Variants in CNTN3 observed in about 807,000 individuals in gnomAD.
The protein encoded by CNTN3 is contactin-3.
In CNTN3, 60 loss-of-function variants were observed where a neutral mutation model predicts 119.1. The observed-to-expected ratio is 0.50, with a 90% confidence interval of 0.41 to 0.62. The LOEUF is 0.62. Among genes scored for constraint, CNTN3 ranks in the 20% least tolerant of loss-of-function variants. CNTN3 has a pLI of 0.00. For synonymous variants in CNTN3, 450 were observed against 438.7 expected (o/e 1.03, Z -0.32); for missense variants, 1,101 against 1,242.4 (o/e 0.89, Z 1.71).
intron 19 of CNTN3, among the ~76,000 whole-genome samples, chr3:74,293,478 GCC>G (rs1254277760): frequency 6.6e-6 from 1 of 152,114 alleles, no homozygotes; most frequent in Non-Finnish European, 1.5e-5. Context: ...TATTCTGGCT[GCC>G]CCCACTTTTT....
intron 13 of CNTN3, among the ~76,000 whole-genome samples, chr3:74,319,758 A>C (rs1702934944): frequency 6.6e-6 from 1 of 151,858 alleles, no homozygotes; most frequent in South Asian, 2.1e-4. Flanking sequence ...AATTTTCGCA[A>C]CCTACTCATC....
At chr3:74,288,999 A>T (rs1416421803) in intron 19 of CNTN3, among the ~76,000 whole-genome samples, 3 of 152,212 alleles carry the variant, frequency 2.0e-5, no homozygotes, top group African/African-American at 7.2e-5. Context: ...AGCATGCCAC[A>T]TGGCACATGA....
Position 74,432,794 on chromosome 3 carries a change from T to C in CNTN3, c.359-7854A>G, listed in dbSNP as rs140658031. Among the ~76,000 whole-genome samples, 157 of 152,320 alleles carry C rather than the reference T, an allele frequency of 1.0e-3. 1 individual carries two copies. The highest frequency in any genetic ancestry group is 5.0e-3 in the Admixed American group (76 of 15,288). ...TTTCCCAACACCCAAATTCAAAGTG[T>C]CTCCTCCTTTTTTGTTCCCTTTCTT... On this transcript the variant is annotated intron_variant, in intron 4 of 22. Coordinates refer to ENST00000263665, the MANE Select transcript of CNTN3 (RefSeq NM_020872.3).
intron 1 of CNTN3, among the ~76,000 whole-genome samples, chr3:74,591,746 G>C (rs561104351): frequency 6.6e-6 from 1 of 152,042 alleles, no homozygotes; most frequent in East Asian, 1.9e-4. Context: ...AATAGGAAAG[G>C]GTAAGGCAAG....
intron 5 of CNTN3, among the ~76,000 whole-genome samples, chr3:74,410,191 G>C (rs1701415103): frequency 6.6e-6 from 1 of 152,110 alleles, no homozygotes; most frequent in Admixed American, 6.6e-5. Flanking sequence ...TTGTACTGCA[G>C]AGAACAGAAT....
At chr3:74,598,933 A>C (rs990120315) in intron 1 of CNTN3, among the ~76,000 whole-genome samples, 13 of 152,192 alleles carry the variant, frequency 8.5e-5, no homozygotes, top group African/African-American at 3.1e-4. Flanking sequence ...CATAACAAAG[A>C]GTTAACATTT....
intron 4 of CNTN3, among the ~76,000 whole-genome samples, chr3:74,438,772 AT>A (rs1701913337): frequency 6.6e-6 from 1 of 152,224 alleles, no homozygotes; most frequent in Admixed American, 6.5e-5. Flanking sequence ...TAGAAATTTC[AT>A]AAAATAGTTG....
At chr3:74,475,392 G>T (rs901836815) in intron 4 of CNTN3, among the ~76,000 whole-genome samples, 3 of 152,182 alleles carry the variant, frequency 2.0e-5, no homozygotes, top group Middle Eastern at 3.2e-3. Flanking sequence ...TGTAATTAGG[G>T]CATGGAGGAT....
intron 4 of CNTN3, among the ~76,000 whole-genome samples, chr3:74,481,014 T>C (rs937001937): frequency 6.6e-6 from 1 of 151,868 alleles, no homozygotes; most frequent in African/African-American, 2.4e-5. Flanking sequence ...TATAACAATA[T>C]TAATATATTA....
chr3:74,500,117 C>T (rs1218891897), intron 2 of CNTN3, among the ~76,000 whole-genome samples: 4 of 151,938 alleles, frequency 2.6e-5, no homozygotes, highest in Admixed American at 6.6e-5. Flanking sequence ...CTTGTCATAG[C>T]CTTTTTGCCA....
Position 74,263,421 on chromosome 3 carries a change from T to G in CNTN3, c.*980A>C, listed in dbSNP as rs1346766022. ...GATTATGTGGATTTTGTTTAATATT[T>G]GGGTTGAGATTCAGGTCATTCCTGA... On this transcript the variant is annotated 3_prime_UTR_variant, in exon 23 of 23. Transcript: ENST00000263665. 3 of 152,116 alleles carry G rather than the reference T, an allele frequency of 2.0e-5. No individual in the cohort carries two copies. The highest frequency in any genetic ancestry group is 7.2e-5 in the African/African-American group (3 of 41,434). The allele number at this position is 152,116 out of a possible 1,614,324, so 9.4% of individuals were successfully genotyped here. A position where few individuals can be genotyped will look rare whatever the true frequency, so the allele number is the denominator to read the frequency against.
At chr3:74,506,442 AAAAC>A (rs1362376811) in intron 2 of CNTN3, among the ~76,000 whole-genome samples, 5 of 152,298 alleles carry the variant, frequency 3.3e-5, no homozygotes, top group Admixed American at 3.3e-4. Flanking sequence ...TTTTGGCAGA[AAAAC>A]AGGGTGGGAG....
intron 5 of CNTN3, among the ~76,000 whole-genome samples, chr3:74,409,372 C>T (rs1701400754): frequency 1.3e-5 from 2 of 152,178 alleles, no homozygotes; most frequent in Non-Finnish European, 1.5e-5. Context: ...GGTAACTTCT[C>T]TATTTGTTTT....
At chr3:74,335,044 A>G in intron 12 of CNTN3, 134 bp from the exon 13 acceptor site, 1 of 514,796 alleles carries the variant, frequency 1.9e-6, no homozygotes, top group Non-Finnish European at 3.3e-6. Context: ...ACATCTATAT[A>G]ATTAAAAGTA....
At chr3:74,306,930 T>C (rs624318) in intron 13 of CNTN3, among the ~76,000 whole-genome samples, 56,556 of 152,010 alleles carry the variant, frequency 0.37, 12,055 homozygotes, top group East Asian at 0.72. Context: ...ATTAATGAAA[T>C]GACTACACAA....
chr3:74,432,461 C>T (rs1459745908), intron 4 of CNTN3, among the ~76,000 whole-genome samples: 1 of 151,624 alleles, frequency 6.6e-6, no homozygotes, highest in Non-Finnish European at 1.5e-5. Context: ...GGGCTGCATT[C>T]GAAGCCACCA....
Position 74,295,250 on chromosome 3 carries a change from G to T in CNTN3, c.2402-14C>A. ...CCACTGTAGGCTCTGTTCGGAAACA[G>T]AAATTGAAATATGATGATAATTTTG... On this transcript the variant is annotated splice_polypyrimidine_tract_variant and intron_variant, in intron 18 of 22. Transcript: ENST00000263665. 8 of 1,391,934 alleles carry T rather than the reference G, an allele frequency of 5.7e-6. No homozygotes were observed. Among genetic ancestry groups the T allele is most frequent in the Non-Finnish European group, 8.1e-6 (8 of 989,322 alleles). The allele number at this position is 1,391,934 out of a possible 1,614,324, so 86.2% of individuals were successfully genotyped here. A position where few individuals can be genotyped will look rare whatever the true frequency, so the allele number is the denominator to read the frequency against.
At chr3:74,528,227 A>T (rs1703646825) in intron 1 of CNTN3, among the ~76,000 whole-genome samples, 1 of 151,860 alleles carries the variant, frequency 6.6e-6, no homozygotes, top group Non-Finnish European at 1.5e-5. Context: ...TCCTTGTACG[A>T]TAATGAAGAA....
intron 1 of CNTN3, among the ~76,000 whole-genome samples, chr3:74,534,847 AAC>A (rs1703743230): frequency 6.6e-6 from 1 of 151,992 alleles, no homozygotes; most frequent in Non-Finnish European, 1.5e-5. Flanking sequence ...TGGCAAAAAC[AAC>A]AGTTACTTTT....
Sources: allele counts gnomAD v4.1 joint callset (sites outside exome capture counted in the v4.1 genomes callset), GRCh38; gene constraint gnomAD v4.1.1; transcripts MANE v1.5; gene names NCBI Gene and HGNC (gene_info 2026-07-23, HGNC 2026-07-21).